STK32B: variants seen among roughly 807,000 people sequenced by gnomAD.
STK32B encodes serine/threonine kinase 32B.
In STK32B, 43 loss-of-function variants were observed where a neutral mutation model predicts 52.6. That is an observed-to-expected ratio of 0.82 (90% CI 0.64 to 1.05). The LOEUF is 1.05. Among genes scored for constraint, STK32B ranks in the 50% least tolerant of loss-of-function variants. STK32B has a pLI of 0.00. For synonymous variants in STK32B, 238 were observed against 204.3 expected (o/e 1.17, Z -1.41); for missense variants, 621 against 534.6 (o/e 1.16, Z -1.59).
chr4:5,301,497 GT>G (rs1729551195), intron 3 of STK32B, among the ~76,000 whole-genome samples: 1 of 151,494 alleles, frequency 6.6e-6, no homozygotes, highest in Non-Finnish European at 1.5e-5. Context: ...CTTGAATAGT[GT>G]TGATTGTTTA....
intron 1 of STK32B, among the ~76,000 whole-genome samples, chr4:5,108,751 C>T (rs1560155370): frequency 6.6e-6 from 1 of 152,250 alleles, no homozygotes; most frequent in East Asian, 1.9e-4. Context: ...TTCAGTATCA[C>T]CTGAAAACCT....
At chr4:5,093,978 G>C (rs1037209442) in intron 1 of STK32B, among the ~76,000 whole-genome samples, 1 of 152,190 alleles carries the variant, frequency 6.6e-6, no homozygotes, top group Non-Finnish European at 1.5e-5. Flanking sequence ...TCTGCAGGGC[G>C]GTTGGTTGCC....
intron 11 of STK32B, among the ~76,000 whole-genome samples, chr4:5,482,988 C>T (rs541320524): frequency 2.0e-5 from 3 of 152,272 alleles, no homozygotes; most frequent in African/African-American, 7.2e-5. Context: ...ATTCGGTTTG[C>T]CAGTATTTTA....
Position 5,373,018 on chromosome 4 carries a change from G to A in STK32B, c.435-25189G>A, listed in dbSNP as rs190753979. Among the ~76,000 whole-genome samples, 68 of 152,254 alleles carry A rather than the reference G, an allele frequency of 4.5e-4. No individual in the cohort carries two copies. The East Asian group carries it at 6.0e-3, about 13-fold the overall frequency. ...ATTTCATTCACAGCAGTTGGGAGTCGTGATTGGAATTGCTGTGGGGTCAGC... is the reference window on the plus strand; with the variant it reads ...ATTTCATTCACAGCAGTTGGGAGTCATGATTGGAATTGCTGTGGGGTCAGC... On this transcript the variant is annotated intron_variant, in intron 4 of 11. Transcript: ENST00000282908.
chr4:5,498,116 A>G (rs920068864), intron 11 of STK32B, among the ~76,000 whole-genome samples: 1 of 152,236 alleles, frequency 6.6e-6, no homozygotes. Context: ...TCAAGTAGAC[A>G]GTGTTGAGAG....
chr4:5,044,628 G>C, the STK32B span, among the ~76,000 whole-genome samples: 1 of 152,178 alleles, frequency 6.6e-6, no homozygotes, highest in Non-Finnish European at 1.5e-5. Context: ...AGGACTGTTT[G>C]GGCATGCCGG....
At position 5,476,660 on chromosome 4, in the gene STK32B, A is replaced by G. The variant is rs1445104114; in HGVS notation, c.1106+8590A>G. Among the ~76,000 whole-genome samples the G allele has an allele frequency of 3.3e-5, 5 of 151,962 alleles. No homozygotes were observed. The East Asian group carries it at 9.6e-4, about 29-fold the overall frequency. ...GGAGACCTGTCGCCTAGCACCTGTG[A>G]AGATGACCTGTCACCTGGCACCTGT... On this transcript the variant is annotated intron_variant, in intron 11 of 11. Transcript: ENST00000282908.
chr4:5,452,937 G>T (rs539548139), intron 7 of STK32B, among the ~76,000 whole-genome samples: 32 of 152,042 alleles, frequency 2.1e-4, no homozygotes, highest in African/African-American at 7.5e-4. Context: ...ATATCCTAAG[G>T]CCAGCGAGTG....
At chr4:5,120,163 A>G (rs1192726536) in intron 1 of STK32B, among the ~76,000 whole-genome samples, 5 of 152,204 alleles carry the variant, frequency 3.3e-5, no homozygotes, top group Non-Finnish European at 7.3e-5. Flanking sequence ...CACTGCGCCA[A>G]TGACACTGGT....
intron 2 of STK32B, among the ~76,000 whole-genome samples, chr4:5,160,532 C>T (rs1281545260): frequency 6.6e-6 from 1 of 152,094 alleles, no homozygotes; most frequent in Non-Finnish European, 1.5e-5. Context: ...TCAGGTGCTA[C>T]CTTTTCCGGA....
intron 3 of STK32B, among the ~76,000 whole-genome samples, chr4:5,207,026 C>T (rs1722615391): frequency 6.6e-6 from 1 of 152,154 alleles, no homozygotes; most frequent in Admixed American, 6.5e-5. Flanking sequence ...GGCTCATGGG[C>T]CAAATCTGGA....
intron 3 of STK32B, among the ~76,000 whole-genome samples, chr4:5,262,453 G>A (rs768341556): frequency 4.1e-5 from 6 of 146,602 alleles, no homozygotes; most frequent in African/African-American, 8.1e-5. Flanking sequence ...GTGAAACCCC[G>A]TCTCTACTAA....
chr4:5,122,539 A>G (rs1247245013), intron 1 of STK32B, among the ~76,000 whole-genome samples: 4 of 150,626 alleles, frequency 2.7e-5, no homozygotes, highest in Admixed American at 2.0e-4. Context: ...TCGTTCACTC[A>G]TTCTTTTACT....
Position 5,437,447 on chromosome 4 carries a change from C to T in STK32B, c.563-9226C>T, listed in dbSNP as rs181296402. ...TGATCTGCCTTTGTCTTCACATGGC[C>T]GTCTTCTCTGTGTCTCAGATCTTTC... On this transcript the variant is annotated intron_variant, in intron 6 of 11. Coordinates refer to ENST00000282908, the MANE Select transcript of STK32B (RefSeq NM_018401.3). Among the ~76,000 whole-genome samples, 206 of 152,310 alleles carry T rather than the reference C, an allele frequency of 1.4e-3. 1 individual carries two copies. Among genetic ancestry groups the T allele is most frequent in the African/African-American group, 3.9e-3 (161 of 41,568 alleles).
At chr4:5,240,656 C>G (rs145989110) in intron 3 of STK32B, among the ~76,000 whole-genome samples, 2 of 152,232 alleles carry the variant, frequency 1.3e-5, no homozygotes, top group African/African-American at 4.8e-5. Flanking sequence ...GATGTGGTTT[C>G]ACCATGTTGG....
intron 3 of STK32B, among the ~76,000 whole-genome samples, chr4:5,239,048 A>G (rs913118636): frequency 6.6e-6 from 1 of 152,208 alleles, no homozygotes; most frequent in Non-Finnish European, 1.5e-5. Context: ...GGGATTAATC[A>G]GAAAAGCCCT....
intron 9 of STK32B, among the ~76,000 whole-genome samples, chr4:5,462,681 C>T (rs1245712739): frequency 1.3e-5 from 2 of 152,128 alleles, no homozygotes; most frequent in African/African-American, 4.8e-5. Context: ...GCCCCCACTG[C>T]GGGTCGACCT....
intron 4 of STK32B, among the ~76,000 whole-genome samples, chr4:5,333,179 A>C (rs565460413): frequency 6.6e-6 from 1 of 152,058 alleles, no homozygotes; most frequent in East Asian, 1.9e-4. Flanking sequence ...CTTTTTAATG[A>C]TTGCCATTCT....
At chr4:5,406,707 T>C (rs1354455660) in intron 5 of STK32B, among the ~76,000 whole-genome samples, 1 of 152,142 alleles carries the variant, frequency 6.6e-6, no homozygotes, top group Non-Finnish European at 1.5e-5. Flanking sequence ...TGGCTGGAGC[T>C]GGAGTGGCTG....
Sources: allele counts gnomAD v4.1 joint callset (sites outside exome capture counted in the v4.1 genomes callset), GRCh38; gene constraint gnomAD v4.1.1; transcripts MANE v1.5; gene names NCBI Gene and HGNC (gene_info 2026-07-23, HGNC 2026-07-21).